IL1RL1: variants seen among roughly 807,000 people sequenced by gnomAD.
The protein encoded by IL1RL1 is interleukin 1 receptor like 1, also known as interleukin-1 receptor-like 1.
IL1RL1 carries 32 observed loss-of-function variants against 50.9 expected under a neutral mutation model. That is an observed-to-expected ratio of 0.63 (90% CI 0.47 to 0.84). The LOEUF (loss-of-function observed/expected upper bound fraction) is 0.84. Among genes scored for constraint, IL1RL1 ranks in the 40% least tolerant of loss-of-function variants. The pLI is 0.00. For missense variants in IL1RL1, 773 were observed against 662.9 expected (o/e 1.17, Z -1.82); for synonymous variants, 275 against 236.0 (o/e 1.17, Z -1.51).
chr2:102,328,210 T>C (rs1677069816), intron 1 of IL1RL1, among the ~76,000 whole-genome samples: 1 of 152,068 alleles, frequency 6.6e-6, no homozygotes, highest in Non-Finnish European at 1.5e-5. Context: ...CATACACAAA[T>C]CGATAAACAT....
At chr2:102,339,398 A>G (rs1232587116) in intron 3 of IL1RL1, 2 of 187,190 alleles carry the variant, frequency 1.1e-5, no homozygotes, top group Admixed American at 1.1e-4. Flanking sequence ...TTTCCATCTC[A>G]GGGGGCCTCT....
chr2:102,312,299 A>G (rs1313211464), intron 1 of IL1RL1, among the ~76,000 whole-genome samples: 2 of 149,272 alleles, frequency 1.3e-5, no homozygotes, highest in African/African-American at 4.9e-5. Context: ...ATATAACATT[A>G]TAACAATAAT....
intron 1 of IL1RL1, among the ~76,000 whole-genome samples, chr2:102,328,139 T>G (rs1040362186): frequency 6.6e-6 from 1 of 152,060 alleles, no homozygotes; most frequent in African/African-American, 2.4e-5. Flanking sequence ...CAGCAGCACA[T>G]CAAAAAGCTT....
chr2:102,349,102 G>T lies in IL1RL1; in HGVS notation c.1141G>T (p.Val381Phe), dbSNP rs535719166. Residue 381 changes from valine to phenylalanine, a missense_variant, in exon 10 of 11, where the codon GTT (valine) becomes TTT (phenylalanine). Val to Phe is a conservative substitution (Grantham distance 50, BLOSUM62 -1). Coordinates refer to ENST00000233954, the MANE Select transcript of IL1RL1 (RefSeq NM_016232.5). The stretch of plus-strand genomic sequence containing the variant: ...AGATGGAAAGCTCTATGATGCTTAT[G>T]TTGTCTACCCACGGAACTACAAATC... ...RNDGKLYDAY[V>F]VYPRNYKSST... is the part of the protein sequence containing the mutation. The T allele has an allele frequency of 4.3e-6, 7 of 1,613,748 alleles. No homozygotes were observed. In the South Asian group the frequency reaches 6.6e-5, roughly 15 times the overall value.
At chr2:102,349,868 C>A (rs956737176) in intron 10 of IL1RL1, among the ~76,000 whole-genome samples, 9 of 152,132 alleles carry the variant, frequency 5.9e-5, no homozygotes, top group Admixed American at 3.3e-4. Context: ...TCCTTGTGAA[C>A]TCTTCTCTAA....
intron 1 of IL1RL1, among the ~76,000 whole-genome samples, chr2:102,318,649 G>A (rs1312174455): frequency 6.6e-6 from 1 of 152,192 alleles, no homozygotes; most frequent in South Asian, 2.1e-4. Flanking sequence ...ATGACATCAT[G>A]TGGGGAGTGA....
At chr2:102,345,885 C>T in intron 8 of IL1RL1, 1 of 985,414 alleles carries the variant, frequency 1.0e-6, no homozygotes, top group Non-Finnish European at 1.2e-6. Flanking sequence ...ATCCAGCCTG[C>T]CCACTCACAC....
At chr2:102,319,349 G>T (rs947257293) in intron 1 of IL1RL1, among the ~76,000 whole-genome samples, 2 of 152,088 alleles carry the variant, frequency 1.3e-5, no homozygotes, top group Non-Finnish European at 1.5e-5. Context: ...TAACAACTAT[G>T]CTTTGATGGA....
chr2:102,313,809 A>G (rs1676591225), intron 1 of IL1RL1, among the ~76,000 whole-genome samples: 2 of 152,188 alleles, frequency 1.3e-5, no homozygotes, highest in African/African-American at 4.8e-5. Flanking sequence ...TTGTGGGAGC[A>G]TGCATGTGTG....
At chr2:102,339,263 G>A in intron 3 of IL1RL1, 1 of 492,372 alleles carries the variant, frequency 2.0e-6, no homozygotes, top group South Asian at 3.3e-5. Context: ...ACAGTTGCAG[G>A]GATTGATTTG....
chr2:102,345,616 G>A lies in IL1RL1; in HGVS notation c.970+2201G>A, dbSNP rs762357343. 4.8e-5 allele frequency: 47 copies of A among 985,450 alleles called. 1 individual carries two copies. Among genetic ancestry groups the A allele is most frequent in the South Asian group, 3.3e-4 (7 of 21,288 alleles). 61.0% of individuals were successfully genotyped at this position (985,450 alleles called of 1,614,324 possible). On this transcript the variant is annotated intron_variant, in intron 8 of 10. Coordinates refer to ENST00000233954, the MANE Select transcript of IL1RL1 (RefSeq NM_016232.5). ...AGCGGGCCCCCAATATGGTGTAATC[G>A]TGGCAGGTCTCTGCCTGAAGTGCTA...
At chr2:102,325,810 T>A (rs1171067967) in intron 1 of IL1RL1, among the ~76,000 whole-genome samples, 1 of 152,064 alleles carries the variant, frequency 6.6e-6, no homozygotes, top group South Asian at 2.1e-4. Flanking sequence ...GAAAGTAGAA[T>A]AAAAGGAAAC....
At chr2:102,342,046 CGTGTGTGTGT>C (rs67962088) in intron 5 of IL1RL1, among the ~76,000 whole-genome samples, 167 bp from the exon 6 acceptor site, 14,815 of 144,122 alleles carry the variant, frequency 0.1, 821 homozygotes, top group Middle Eastern at 0.28. Flanking sequence ...CTTTCTGTTT[CGTGTGTGTGT>C]GTGTGTGTGT....
chr2:102,349,318 C>A, intron 10 of IL1RL1, 72 bp downstream of exon 10: 3 of 1,225,516 alleles, frequency 2.4e-6, no homozygotes, highest in African/African-American at 1.5e-5. Context: ...TGGCCTTATC[C>A]CTGCATTGGA....
chr2:102,345,844 G>C (rs1233549128), intron 8 of IL1RL1: 3 of 985,316 alleles, frequency 3.0e-6, no homozygotes, highest in Admixed American at 6.2e-5. Flanking sequence ...GCTTGGGGTG[G>C]TGGTGGGCCC....
chr2:102,329,308 C>T (rs1221036564), intron 1 of IL1RL1, among the ~76,000 whole-genome samples: 4 of 152,158 alleles, frequency 2.6e-5, no homozygotes, highest in African/African-American at 9.7e-5. Flanking sequence ...GAAACTGGAT[C>T]CCTTCCTTAC....
chr2:102,317,170 C>T (rs1307723834), intron 1 of IL1RL1, among the ~76,000 whole-genome samples: 7 of 152,090 alleles, frequency 4.6e-5, no homozygotes, highest in South Asian at 4.2e-4. Context: ...CTGGCTAACA[C>T]GGTGAAACCC....
At chr2:102,314,817 AC>A (rs1270276661) in intron 1 of IL1RL1, among the ~76,000 whole-genome samples, 3 of 152,228 alleles carry the variant, frequency 2.0e-5, no homozygotes, top group Non-Finnish European at 4.4e-5. Flanking sequence ...CTGCAAAGAA[AC>A]AAAGGCTTGC....
intron 8 of IL1RL1, 177 bp downstream of exon 8, chr2:102,343,592 TG>T (rs1385231732): frequency 4.7e-6 from 7 of 1,481,504 alleles, no homozygotes; most frequent in Non-Finnish European, 6.2e-6. Flanking sequence ...TCCTGTTTGC[TG>T]GGAGCTTCTC....
Sources: gnomAD v4.1 joint callset for allele counts (sites outside exome capture counted in the v4.1 genomes callset) on GRCh38, gnomAD v4.1.1 for gene constraint, MANE v1.5 for transcripts, NCBI Gene and HGNC (gene_info 2026-07-23, HGNC 2026-07-21) for gene names.